The following FSTL5 variants were observed in gnomAD, a reference collection of about 807,000 sequenced individuals.
FSTL5 encodes follistatin like 5.
Under a neutral mutation model 89.1 loss-of-function variants are expected in FSTL5, and 62 were observed. The observed-to-expected ratio is 0.70, with a 90% confidence interval of 0.57 to 0.86. The LOEUF (loss-of-function observed/expected upper bound fraction) is 0.86, where lower values mean the gene tolerates loss of function less well. Among genes scored for constraint, FSTL5 ranks in the 40% least tolerant of loss-of-function variants. The probability of loss-of-function intolerance (pLI) is 0.00; values close to 1 mark genes in which losing one functional copy is unlikely to be tolerated. For synonymous variants in FSTL5, 383 were observed against 346.2 expected, an observed-to-expected ratio of 1.11 and a Z score of -1.18; for missense variants, 1,057 against 1,001.6, an observed-to-expected ratio of 1.06 and a Z score of -0.75.
chr4:162,137,315 A>G (rs1365515217), intron 1 of FSTL5, among the ~76,000 whole-genome samples: 1 of 152,120 alleles, frequency 6.6e-6, no homozygotes, highest in African/African-American at 2.4e-5. Context: ...AAGTTCACAT[A>G]TTAAAAATCT....
At chr4:161,715,835 G>T (rs185871317) in intron 6 of FSTL5, among the ~76,000 whole-genome samples, 1 of 152,254 alleles carries the variant, frequency 6.6e-6, no homozygotes, top group Non-Finnish European at 1.5e-5. Flanking sequence ...CCAATCAAAA[G>T]ATATGTTCTG....
intron 4 of FSTL5, among the ~76,000 whole-genome samples, chr4:161,783,347 T>G (rs999449605): frequency 6.6e-6 from 1 of 152,120 alleles, no homozygotes; most frequent in Non-Finnish European, 1.5e-5. Context: ...CTTAAGCAGT[T>G]TGTAAATTAA....
At chr4:161,725,757 T>G (rs562223831) in intron 6 of FSTL5, among the ~76,000 whole-genome samples, 1 of 152,150 alleles carries the variant, frequency 6.6e-6, no homozygotes, top group Non-Finnish European at 1.5e-5. Flanking sequence ...GCTTGCTGAG[T>G]GCACTAGGCA....
At chr4:161,527,608 C>A (rs1206126651) in intron 10 of FSTL5, among the ~76,000 whole-genome samples, 1 of 152,006 alleles carries the variant, frequency 6.6e-6, no homozygotes, top group Non-Finnish European at 1.5e-5. Flanking sequence ...CCATCTCACA[C>A]CAGTTAGAAT....
chr4:162,152,660 T>C (rs1224519463), intron 1 of FSTL5, among the ~76,000 whole-genome samples: 1 of 152,148 alleles, frequency 6.6e-6, no homozygotes, highest in Non-Finnish European at 1.5e-5. Context: ...TCTGGGATAA[T>C]GAATCGTTGA....
At chr4:161,484,311 A>AT (rs1243046727) in intron 12 of FSTL5, among the ~76,000 whole-genome samples, 1 of 152,110 alleles carries the variant, frequency 6.6e-6, no homozygotes, top group Non-Finnish European at 1.5e-5. Flanking sequence ...AAACATGTCT[A>AT]TTCTCCTTGC....
intron 6 of FSTL5, among the ~76,000 whole-genome samples, chr4:161,691,082 C>T (rs572607042): frequency 7.6e-4 from 116 of 151,896 alleles, no homozygotes; most frequent in Non-Finnish European, 1.4e-3. Context: ...TTTCTTTTAT[C>T]GCTCATGCTT....
At chr4:162,020,468 A>G (rs1267349466) in intron 3 of FSTL5, among the ~76,000 whole-genome samples, 3 of 152,146 alleles carry the variant, frequency 2.0e-5, no homozygotes, top group African/African-American at 7.2e-5. Flanking sequence ...AGTATTAACT[A>G]TGAAATTAAA....
chr4:162,118,561 T>C (rs1299447382), intron 1 of FSTL5, among the ~76,000 whole-genome samples: 1 of 152,192 alleles, frequency 6.6e-6, no homozygotes, highest in South Asian at 2.1e-4. Flanking sequence ...TCCAGTTTTA[T>C]AAGAGCAATG....
intron 6 of FSTL5, among the ~76,000 whole-genome samples, chr4:161,684,725 C>T (rs1203260622): frequency 6.6e-6 from 1 of 152,128 alleles, no homozygotes; most frequent in Non-Finnish European, 1.5e-5. Context: ...TGTCTGTTCA[C>T]TCTGTTGACT....
intron 1 of FSTL5, among the ~76,000 whole-genome samples, chr4:162,115,261 T>TA (rs1348859601): frequency 1.8e-4 from 28 of 152,168 alleles, no homozygotes; most frequent in African/African-American, 6.8e-4. Flanking sequence ...TAACCTAAAT[T>TA]AAAAAATGGC....
chr4:161,797,234 A>G (rs1579099715), intron 4 of FSTL5, among the ~76,000 whole-genome samples: 1 of 151,434 alleles, frequency 6.6e-6, no homozygotes. Context: ...GAGATTTCTG[A>G]GGGTTGACTT....
chr4:161,456,579 T>C (rs930953007), intron 14 of FSTL5, among the ~76,000 whole-genome samples: 4 of 152,210 alleles, frequency 2.6e-5, no homozygotes, highest in African/African-American at 9.6e-5. Flanking sequence ...GGAAACACTA[T>C]AGCCACAATG....
chr4:161,523,750 T>G (rs1220353209), intron 10 of FSTL5, among the ~76,000 whole-genome samples: 1 of 152,164 alleles, frequency 6.6e-6, no homozygotes, highest in Non-Finnish European at 1.5e-5. Context: ...CTTATAAACT[T>G]TGCTGGGAAT....
chr4:161,839,794 TAG>T (rs1461932391), intron 4 of FSTL5, among the ~76,000 whole-genome samples: 1 of 152,186 alleles, frequency 6.6e-6, no homozygotes, highest in Non-Finnish European at 1.5e-5. Flanking sequence ...GGTGATTACA[TAG>T]TGTATGCATT....
rs1359999199 is a variant in FSTL5, at chr4:161,390,305, C to T, written c.1842-3856G>A. Among the ~76,000 whole-genome samples, 5 of 152,164 alleles carry T rather than the reference C, an allele frequency of 3.3e-5. No individual in the cohort carries two copies. The South Asian group carries it at 8.3e-4, about 25-fold the overall frequency. On this transcript the variant is annotated intron_variant, in intron 15 of 15. Transcript: ENST00000306100. ...AAAATTTTGTGGCTTACTTTAGGAC[C>T]TGGATATCAAAGGATATGGAGAGGT...
chr4:161,525,419 A>G (rs1027840412), intron 10 of FSTL5, among the ~76,000 whole-genome samples: 4 of 152,198 alleles, frequency 2.6e-5, no homozygotes, highest in Non-Finnish European at 4.4e-5. Context: ...CAATTAAGAA[A>G]TAGTTAAGTC....
At chr4:162,047,849 A>T (rs1738244816) in intron 2 of FSTL5, among the ~76,000 whole-genome samples, 1 of 151,962 alleles carries the variant, frequency 6.6e-6, no homozygotes, top group African/African-American at 2.4e-5. Context: ...ACAAAAGCAA[A>T]CAACAACAAC....
At chr4:161,674,225 AT>A (rs1277263322) in intron 6 of FSTL5, among the ~76,000 whole-genome samples, 1 of 152,124 alleles carries the variant, frequency 6.6e-6, no homozygotes, top group African/African-American at 2.4e-5. Flanking sequence ...ATACACATAT[AT>A]GTGTAAGAAG....
Sources: allele counts gnomAD v4.1 joint callset (sites outside exome capture counted in the v4.1 genomes callset), GRCh38; gene constraint gnomAD v4.1.1; transcripts MANE v1.5; gene names NCBI Gene and HGNC (gene_info 2026-07-23, HGNC 2026-07-21).